The following CWF19L1 variants were observed in gnomAD, a reference collection of about 807,000 sequenced individuals.
CWF19L1 encodes CWF19-like protein 1.
In CWF19L1, 60 loss-of-function variants were observed where a neutral mutation model predicts 69.7. The ratio of observed to expected loss-of-function variants is 0.86; its 90% confidence interval spans 0.70 to 1.07. The LOEUF is 1.07. Ranked by LOEUF, CWF19L1 falls within the 50% of genes least tolerant of loss-of-function variation. The pLI is 0.00. For missense variants in CWF19L1, 591 were observed against 638.9 expected, an observed-to-expected ratio of 0.92 and a Z score of 0.81; for synonymous variants, 209 against 222.2, an observed-to-expected ratio of 0.94 and a Z score of 0.53.
intron 4 of CWF19L1, among the ~76,000 whole-genome samples, chr10:100,259,488 T>C (rs1460181695): frequency 6.6e-6 from 1 of 152,100 alleles, no homozygotes; most frequent in Admixed American, 6.5e-5. Context: ...CTATAAATAG[T>C]TGGGAGGCTC....
At chr10:100,247,407 T>C (rs1846863058) in intron 7 of CWF19L1, among the ~76,000 whole-genome samples, 1 of 152,242 alleles carries the variant, frequency 6.6e-6, no homozygotes, top group South Asian at 2.1e-4. Flanking sequence ...CTATATATGC[T>C]AATAAAATTT....
chr10:100,251,454 A>G (rs12265333), intron 6 of CWF19L1, among the ~76,000 whole-genome samples: 76,700 of 149,774 alleles, frequency 0.51, 20,476 homozygotes, highest in African/African-American at 0.65. Flanking sequence ...CTTTTGATTT[A>G]CATTACCATA....
rs56262807 is a variant in CWF19L1 at position 100,241,000 on chromosome 10, C to CTTTTTTTTTTTTTTTTTTTT, written c.1044+2678_1044+2697dup. On this transcript the variant is annotated intron_variant, in intron 10 of 13. Transcript: ENST00000354105. ...GACAGGAGTGTGCCACTAATTAAGC[C>CTTTTTTTTTTTTTTTTTTTT]TTTTTTTTTTTTTTTTTTTTTTTTT... 9.9e-5 allele frequency among the ~76,000 whole-genome samples: 7 copies of CTTTTTTTTTTTTTTTTTTTT among 70,630 alleles called. 1 individual carries two copies. The highest frequency in any genetic ancestry group is 3.9e-4 in the African/African-American group (6 of 15,576). The allele number at this position is 70,630 out of a possible 152,430, so 46.3% of individuals were successfully genotyped here. A position where few individuals can be genotyped will look rare whatever the true frequency, so the allele number is the denominator to read the frequency against.
At chr10:100,241,581 T>G (rs1426443078) in intron 10 of CWF19L1, among the ~76,000 whole-genome samples, 1 of 152,226 alleles carries the variant, frequency 6.6e-6, no homozygotes, top group African/African-American at 2.4e-5. Context: ...CCATCTTGTG[T>G]TGCTATAATA....
intron 12 of CWF19L1, among the ~76,000 whole-genome samples, chr10:100,236,531 G>T (rs1387240246): frequency 6.6e-6 from 1 of 152,120 alleles, no homozygotes; most frequent in African/African-American, 2.4e-5. Flanking sequence ...AATACCTTCG[G>T]GAGGCCAAGG....
chr10:100,259,547 C>A (rs892159609), intron 4 of CWF19L1, among the ~76,000 whole-genome samples: 2 of 152,154 alleles, frequency 1.3e-5, no homozygotes, highest in African/African-American at 4.8e-5. Flanking sequence ...GGTAAAGCCA[C>A]ATACATGAAA....
At chr10:100,236,131 G>T (rs2134273299) in intron 12 of CWF19L1, among the ~76,000 whole-genome samples, 1 of 147,766 alleles carries the variant, frequency 6.8e-6, no homozygotes, top group East Asian at 2.0e-4. Context: ...TAGAGACAGG[G>T]TCTTGCGATG....
chr10:100,246,724 T>C, intron 8 of CWF19L1, 71 bp downstream of exon 8: 2 of 1,394,410 alleles, frequency 1.4e-6, no homozygotes, highest in Non-Finnish European at 1.9e-6. Context: ...ACGATTAAAC[T>C]TGTCTTATGT....
rs1437449060 is a variant in CWF19L1, at chr10:100,260,319, G to A, written c.188C>T (p.Ala63Val). The A allele has an allele frequency of 3.8e-6, 6 of 1,560,856 alleles. No homozygotes were observed. In the African/African-American group the frequency reaches 6.8e-5, roughly 18 times the overall value. ...WEEYKTGIKK[A>V]PIQTYVLGAN... is the part of the protein sequence containing the mutation. ...ACCAAGCACATATGTCTGAATAGGA[G>A]CTAGTGAGGGAAACAGACATGACAC... Residue 63 changes from alanine (A) to valine (V), a missense_variant and splice_region_variant, in exon 4 of 14, where the codon GCT (alanine) becomes GTT (valine). Around this residue, in one of 3 missense-constraint regions of CWF19L1, gnomAD observed 129 missense variants for 131.3 expected, o/e 0.98. Coordinates refer to ENST00000354105, the MANE Select transcript of CWF19L1 (RefSeq NM_018294.6).
chr10:100,247,178 C>T (rs758357236), intron 7 of CWF19L1, among the ~76,000 whole-genome samples: 19 of 152,168 alleles, frequency 1.2e-4, no homozygotes, highest in Non-Finnish European at 2.5e-4. Context: ...CCCACCCTCA[C>T]AAACCAGGAG....
intron 5 of CWF19L1, among the ~76,000 whole-genome samples, chr10:100,255,790 C>T (rs1390230418): frequency 1.3e-5 from 2 of 148,648 alleles, no homozygotes; most frequent in African/African-American, 2.5e-5. Flanking sequence ...ATTAGCCAGG[C>T]GTGGTGGCGC....
chr10:100,245,341 C>A (rs1186559881), intron 9 of CWF19L1, among the ~76,000 whole-genome samples: 1 of 151,930 alleles, frequency 6.6e-6, no homozygotes, highest in African/African-American at 2.4e-5. Context: ...CGCTTTTATC[C>A]CAATATGGGT....
chr10:100,249,984 T>A, intron 7 of CWF19L1: 1 of 456,000 alleles, frequency 2.2e-6, no homozygotes, highest in Non-Finnish European at 3.9e-6. Context: ...ACCACATAGA[T>A]GTGGAAGTAA....
chr10:100,255,636 G>A (rs1435473277), intron 5 of CWF19L1, among the ~76,000 whole-genome samples: 3 of 151,956 alleles, frequency 2.0e-5, no homozygotes, highest in Non-Finnish European at 1.5e-5. Context: ...GGCAGTGTGC[G>A]CCTATAGTCC....
chr10:100,233,346 G>A lies in CWF19L1; in HGVS notation c.1498C>T (p.Leu500Phe). The change falls in exon 14 of 14, where the codon CTT (leucine) becomes TTT (phenylalanine). Residue 500 changes from leucine (L) to phenylalanine (F), a missense_variant. Physicochemically the swap from Leu to Phe is conservative, Grantham distance 22 (BLOSUM62 0). Around this residue, in one of 3 missense-constraint regions of CWF19L1, gnomAD observed 458 missense variants for 489.3 expected, o/e 0.94. Transcript: ENST00000354105. ...GREVLASEAI[L>F]NVPDKSDWRQ... Reference sequence around the variant, plus strand: ...CAGTCAGACTTATCAGGAACATTAAGGATGGCTTCACTGGCCAGGACCTCC... The same window carrying A: ...CAGTCAGACTTATCAGGAACATTAAAGATGGCTTCACTGGCCAGGACCTCC... The A allele has an allele frequency of 6.2e-7, 1 of 1,613,578 alleles. No individual in the cohort carries two copies. The highest frequency in any genetic ancestry group is 8.5e-7 in the Non-Finnish European group (1 of 1,179,810).
rs188549515 is a variant in CWF19L1 at position 100,264,402 on chromosome 10, G to A, written c.24-2339C>T. Among the ~76,000 whole-genome samples, 1,123 of 152,004 alleles carry A rather than the reference G, an allele frequency of 7.4e-3. 20 individuals are homozygous for A. The highest frequency in any genetic ancestry group is 0.025 in the African/African-American group (1,042 of 41,444). On this transcript the variant is annotated intron_variant, in intron 1 of 13. Coordinates refer to ENST00000354105, the MANE Select transcript of CWF19L1 (RefSeq NM_018294.6). The stretch of plus-strand genomic sequence containing the variant: ...CTACTAAAAATACAAAAAATTAGCC[G>A]GGCGTGGTGGCGGGCGCCTGTAGTC...
At chr10:100,252,881 A>G (rs1847088271) in intron 6 of CWF19L1, among the ~76,000 whole-genome samples, 1 of 150,370 alleles carries the variant, frequency 6.7e-6, no homozygotes, top group Non-Finnish European at 1.5e-5. Flanking sequence ...TTTCCCTCTC[A>G]TTTATTTTTA....
rs1846712312 is a variant in CWF19L1 at position 100,243,762 on chromosome 10, G to C, written c.980C>G (p.Pro327Arg). The C allele has an allele frequency of 6.2e-7, 1 of 1,614,080 alleles. No homozygotes were observed. Among genetic ancestry groups the C allele is most frequent in the Non-Finnish European group, 8.5e-7 (1 of 1,179,948 alleles). ...AGGGCTAGCAAGGCAAAACCAGCAG[G>C]GTCCTGGAGGCTGAGCTTCATGTAA... Reference protein sequence around the residue: ...QPRKPPQPPGPCWFCLASPEV... With the variant: ...QPRKPPQPPGRCWFCLASPEV... The change falls in exon 10 of 14, where the codon CCC (proline) becomes CGC (arginine). Residue 327 changes from proline (P) to arginine (R), a missense_variant. Pro to Arg is a moderately radical substitution (Grantham distance 103). This residue lies in a region of CWF19L1 where 458 missense variants were observed against 489.3 expected (regional missense o/e 0.94). Coordinates refer to ENST00000354105, the MANE Select transcript of CWF19L1 (RefSeq NM_018294.6).
chr10:100,256,024 A>T (rs903092322), intron 5 of CWF19L1, among the ~76,000 whole-genome samples: 1 of 152,168 alleles, frequency 6.6e-6, no homozygotes, highest in Non-Finnish European at 1.5e-5. Flanking sequence ...AATATAAAAA[A>T]CCATTCCTTT....
Sources: allele counts gnomAD v4.1 joint callset (sites outside exome capture counted in the v4.1 genomes callset), GRCh38; gene constraint gnomAD v4.1.1; regional missense constraint gnomAD v4.1.1; transcripts MANE v1.5; gene names NCBI Gene and HGNC (gene_info 2026-07-23, HGNC 2026-07-21).